The following ZC3H18 variants were observed in gnomAD, a reference collection of about 807,000 sequenced individuals.
ZC3H18 encodes zinc finger CCCH domain-containing protein 18.
In ZC3H18, 8 loss-of-function variants were observed where a neutral mutation model predicts 106.1. The observed-to-expected ratio is 0.08, with a 90% CI of 0.04 to 0.14. The LOEUF is 0.14. Among genes scored for constraint, ZC3H18 ranks in the 10% least tolerant of loss-of-function variants. The pLI, the probability that ZC3H18 is intolerant of heterozygous loss-of-function variation, is 1.00. For synonymous variants in ZC3H18, 635 were observed against 522.1 expected (o/e 1.22, Z -2.95); for missense variants, 1,318 against 1,278.4 (o/e 1.03, Z -0.47).
intron 16 of ZC3H18, 55 bp downstream of exon 16, chr16:88,628,909 G>C: frequency 1.3e-6 from 2 of 1,592,172 alleles, no homozygotes; most frequent in Non-Finnish European, 1.7e-6. Context: ...CTGGGGATGC[G>C]GAGCAGCTGG....
intron 6 of ZC3H18, among the ~76,000 whole-genome samples, chr16:88,605,279 A>G (rs1904958078): frequency 6.6e-6 from 1 of 152,230 alleles, no homozygotes; most frequent in South Asian, 2.1e-4. Context: ...CTCAGGGCAG[A>G]TGGATGTATG....
At chr16:88,599,181 C>T (rs1292655816) in intron 5 of ZC3H18, among the ~76,000 whole-genome samples, 2 of 152,190 alleles carry the variant, frequency 1.3e-5, no homozygotes, top group African/African-American at 2.4e-5. Flanking sequence ...CAGCCACTCA[C>T]AGAAAGCCTG....
At chr16:88,603,644 A>G (rs1471854751) in intron 6 of ZC3H18, among the ~76,000 whole-genome samples, 10 of 137,636 alleles carry the variant, frequency 7.3e-5, no homozygotes, top group African/African-American at 2.4e-4. Context: ...TTTTTTTGAG[A>G]CGGAGTCTGG....
intron 3 of ZC3H18, among the ~76,000 whole-genome samples, chr16:88,594,185 G>A (rs975734144): frequency 6.6e-6 from 1 of 152,118 alleles, no homozygotes; most frequent in Non-Finnish European, 1.5e-5. Flanking sequence ...TCCAGGGTCA[G>A]CATTCAAGAG....
rs1007927363 is a variant in ZC3H18, at chr16:88,598,443, C to A, written c.837+117C>A. 2.0e-6 allele frequency: 3 copies of A among 1,500,514 alleles called. No homozygotes were observed. In the East Asian group the frequency reaches 6.8e-5, roughly 34 times the overall value. The allele number at this position is 1,500,514 out of a possible 1,614,324, so 92.9% of individuals were successfully genotyped here. A position where few individuals can be genotyped will look rare whatever the true frequency, so the allele number is the denominator to read the frequency against. On this transcript the variant is annotated intron_variant, in intron 4 of 17. Coordinates refer to ENST00000301011, the MANE Select transcript of ZC3H18 (RefSeq NM_144604.4). ...CAGGCTCAGTGCCCCCTTTCGGCTG[C>A]TTCTGTCGTCCCGAGTGGAAGCAGG...
chr16:88,622,639 G>A, intron 9 of ZC3H18: 1 of 496,362 alleles, frequency 2.0e-6, no homozygotes, highest in Middle Eastern at 5.4e-4. Flanking sequence ...TGCTCCCAGG[G>A]AGTCACAGGC....
At chr16:88,571,103 C>T (rs1005946311) in intron 1 of ZC3H18, among the ~76,000 whole-genome samples, 2 of 152,216 alleles carry the variant, frequency 1.3e-5, no homozygotes, top group South Asian at 2.1e-4. Context: ...TTCCTTGCCC[C>T]TTGGATTAGG....
In ZC3H18 at chr16:88,630,714, C is replaced by CG. The variant is rs1906611107; in HGVS notation, c.2663+137dup. The CG allele has an allele frequency of 1.8e-5, 11 of 608,096 alleles. No individual in the cohort carries two copies. In the South Asian group the frequency reaches 2.1e-4, roughly 12 times the overall value. The allele number at this position is 608,096 out of a possible 1,614,324, so 37.7% of individuals were successfully genotyped here. On this transcript the variant is annotated intron_variant, in intron 17 of 17. Transcript: ENST00000301011. ...GTCACTACAGCTCCTGCTGGTCTGA[C>CG]GGGGTGAGGGGCATGGACAGCGAAT... is the stretch of plus-strand genomic sequence containing the variant.
At position 88,631,754 on chromosome 16, in the gene ZC3H18, C is replaced by G; in HGVS notation, c.*455C>G. The G allele has an allele frequency of 2.7e-6, 1 of 371,832 alleles. No individual in the cohort carries two copies. The highest frequency in any genetic ancestry group is 8.4e-5 in the East Asian group (1 of 11,946). 23.0% of individuals were successfully genotyped at this position (371,832 alleles called of 1,614,324 possible). ...CTCCCCCGCCCCTGATCACCCGCCCCCGGATCAGAAATATATCTATATTCT... is the reference window on the plus strand; with the variant it reads ...CTCCCCCGCCCCTGATCACCCGCCCGCGGATCAGAAATATATCTATATTCT... On this transcript the variant is annotated 3_prime_UTR_variant, in exon 18 of 18. Coordinates refer to ENST00000301011, the MANE Select transcript of ZC3H18 (RefSeq NM_144604.4).
chr16:88,625,499 C>CA, intron 13 of ZC3H18: 1 of 563,228 alleles, frequency 1.8e-6, no homozygotes, highest in Non-Finnish European at 3.2e-6. Flanking sequence ...TTCACAAACT[C>CA]GGGGGCACTC....
chr16:88,594,803 A>T (rs945155834), intron 3 of ZC3H18, among the ~76,000 whole-genome samples: 10 of 152,342 alleles, frequency 6.6e-5, no homozygotes, highest in African/African-American at 2.2e-4. Context: ...ATTATGAAAT[A>T]TTTCATATAT....
intron 3 of ZC3H18, among the ~76,000 whole-genome samples, chr16:88,589,941 A>G (rs1915645592): frequency 6.6e-6 from 1 of 152,206 alleles, no homozygotes; most frequent in Non-Finnish European, 1.5e-5. Flanking sequence ...AAATGGGAGT[A>G]TTTTATGTTA....
intron 17 of ZC3H18, among the ~76,000 whole-genome samples, 186 bp downstream of exon 17, chr16:88,630,767 C>CG (rs1906632964): frequency 1.1e-5 from 1 of 89,480 alleles, no homozygotes; most frequent in Non-Finnish European, 2.5e-5. Flanking sequence ...CCCCCCCCCA[C>CG]ACACACACAC....
intron 2 of ZC3H18, among the ~76,000 whole-genome samples, chr16:88,581,645 C>G (rs915247045): frequency 6.6e-6 from 1 of 152,332 alleles, no homozygotes; most frequent in Non-Finnish European, 1.5e-5. Flanking sequence ...CCTTCAGTCA[C>G]CGGTCTCTTA....
intron 3 of ZC3H18, 68 bp from the exon 4 acceptor site, chr16:88,598,109 AC>A (rs1408271172): frequency 2.2e-5 from 4 of 179,454 alleles, no homozygotes; most frequent in Non-Finnish European, 4.3e-5. Context: ...CCCACCCCCC[AC>A]CCCAGCAGCT....
chr16:88,630,451 AGGAGGGTG>A, intron 16 of ZC3H18, 26 bp from the exon 17 acceptor site: 1 of 1,576,952 alleles, frequency 6.3e-7, no homozygotes, highest in Non-Finnish European at 8.7e-7. Context: ...CCTGTACATC[AGGAGGGTG>A]GTCTCACTCT....
intron 9 of ZC3H18, 147 bp downstream of exon 9, chr16:88,622,535 C>T (rs1906031598): frequency 6.9e-6 from 6 of 875,544 alleles, no homozygotes; most frequent in South Asian, 5.6e-5. Flanking sequence ...TGGGACTAAC[C>T]CGGCGTTTAT....
chr16:88,589,504 C>T (rs1232470798), intron 3 of ZC3H18, among the ~76,000 whole-genome samples: 1 of 152,248 alleles, frequency 6.6e-6, no homozygotes, highest in Non-Finnish European at 1.5e-5. Flanking sequence ...CTGGCTCATG[C>T]CACAATGTGG....
chr16:88,588,817 T>TGA (rs1915583276), intron 3 of ZC3H18, among the ~76,000 whole-genome samples: 1 of 151,958 alleles, frequency 6.6e-6, no homozygotes, highest in Non-Finnish European at 1.5e-5. Flanking sequence ...GCCTGGGAAG[T>TGA]TGAGGCTGCA....
Sources: gnomAD v4.1 joint callset for allele counts (sites outside exome capture counted in the v4.1 genomes callset) on GRCh38, gnomAD v4.1.1 for gene constraint, MANE v1.5 for transcripts, NCBI Gene and HGNC (gene_info 2026-07-23, HGNC 2026-07-21) for gene names.